OTOG: variants seen among roughly 807,000 people sequenced by gnomAD.
The protein encoded by OTOG is otogelin.
In OTOG, 296 loss-of-function variants were observed where a neutral mutation model predicts 313.8. That is an observed-to-expected ratio of 0.94 (90% CI 0.86 to 1.04). OTOG has a LOEUF of 1.04. Among genes scored for constraint, OTOG ranks in the 50% least tolerant of loss-of-function variants. OTOG has a pLI of 0.00. For missense variants in OTOG, 3,948 were observed against 3,840.1 expected, an observed-to-expected ratio of 1.03 and a Z score of -0.74; for synonymous variants, 1,533 against 1,554.9, an observed-to-expected ratio of 0.99 and a Z score of 0.33.
chr11:17,600,377 A>T (rs910964399), intron 31 of OTOG, among the ~76,000 whole-genome samples: 3 of 152,170 alleles, frequency 2.0e-5, no homozygotes, highest in African/African-American at 7.2e-5. Context: ...GTAGAGTGAG[A>T]TGCTCATCTG....
At chr11:17,572,967 G>T in intron 18 of OTOG, 111 bp from the exon 19 acceptor site, 1 of 1,039,940 alleles carries the variant, frequency 9.6e-7, no homozygotes, top group Non-Finnish European at 1.4e-6. Flanking sequence ...CATCCGTACA[G>T]CGTGTGCACA....
chr11:17,557,889 A>G (rs1425046533), intron 8 of OTOG, among the ~76,000 whole-genome samples: 1 of 152,124 alleles, frequency 6.6e-6, no homozygotes, highest in Non-Finnish European at 1.5e-5. Flanking sequence ...GAGACACAGG[A>G]GCTTGTTCAG....
chr11:17,593,876 C>T (rs192198327), intron 27 of OTOG, 120 bp downstream of exon 27: 238 of 1,411,274 alleles, frequency 1.7e-4, no homozygotes, highest in Admixed American at 1.1e-3. Flanking sequence ...TTCTCTCCTC[C>T]GCCCTGCTCT....
At chr11:17,594,803 G>A (rs1262677539) in intron 28 of OTOG, among the ~76,000 whole-genome samples, 3 of 151,966 alleles carry the variant, frequency 2.0e-5, no homozygotes, top group African/African-American at 7.3e-5. Context: ...GTGACCTTGA[G>A]TAAGTCCCAT....
chr11:17,593,927 C>A, intron 27 of OTOG, 120 bp from the exon 28 acceptor site: 1 of 1,431,134 alleles, frequency 7.0e-7, no homozygotes, highest in Non-Finnish European at 9.4e-7. Flanking sequence ...CCTCTTCAAA[C>A]TGTGACCTCA....
chr11:17,596,327 C>G (rs1460410611), intron 29 of OTOG, among the ~76,000 whole-genome samples, 173 bp downstream of exon 29: 2 of 152,248 alleles, frequency 1.3e-5, no homozygotes, highest in Admixed American at 1.3e-4. Context: ...CCTATTTCCC[C>G]AGATGACCAG....
At chr11:17,582,732 T>C (rs1565102982) in intron 23 of OTOG, among the ~76,000 whole-genome samples, 1 of 152,254 alleles carries the variant, frequency 6.6e-6, no homozygotes, top group Non-Finnish European at 1.5e-5. Context: ...ATTTTTCATA[T>C]ACTTATTGGC....
chr11:17,594,298 C>A, intron 28 of OTOG, 132 bp downstream of exon 28: 1 of 1,186,268 alleles, frequency 8.4e-7, no homozygotes, highest in Non-Finnish European at 1.2e-6. Flanking sequence ...CAGCCTCTGA[C>A]TGCATCCCTA....
chr11:17,549,316 G>A (rs943651146), intron 3 of OTOG, among the ~76,000 whole-genome samples: 1 of 152,190 alleles, frequency 6.6e-6, no homozygotes, highest in Non-Finnish European at 1.5e-5. Context: ...AGCAGATTGG[G>A]GAGAATCGTT....
Position 17,606,086 on chromosome 11 carries a change from G to A in OTOG, c.4107G>A (p.Leu1369=), listed in dbSNP as rs1029898779. The part of the protein sequence containing the change: ...YVSGAVLALR[L]YEHTEVFRRG... ...CGGGCGCGGTGCTGGCCCTGCGGCT[G>A]TACGAACACACAGAGGTGTTCCGCC... Residue 1369 remains leucine, a synonymous_variant, in exon 33 of 56, where the codon CTG becomes CTA. Transcript: ENST00000399397. 4.5e-6 allele frequency: 7 copies of A among 1,549,650 alleles called. No homozygotes were observed. Among genetic ancestry groups the A allele is most frequent in the African/African-American group, 2.7e-5 (2 of 73,030 alleles).
In OTOG at chr11:17,612,656, C is replaced by A; in HGVS notation, c.6329C>A (p.Thr2110Asn). 1 of 1,550,620 alleles carries A rather than the reference C, an allele frequency of 6.4e-7. No individual in the cohort carries two copies. The highest frequency in any genetic ancestry group is 8.7e-7 in the Non-Finnish European group (1 of 1,146,982). The change falls in exon 38 of 56, where the codon ACC becomes AAC. Residue 2110 changes from threonine to asparagine, a missense_variant. Transcript: ENST00000399397. ...CSIFPDLSFV[T>N]FDGSHVALFK... is the part of the protein sequence containing the mutation. ...ATCTTCCCTGACCTGAGCTTCGTGA[C>A]CTTCGATGGGAGCCACGTAGCTCTG...
intron 33 of OTOG, among the ~76,000 whole-genome samples, chr11:17,606,952 G>T (rs1291068420): frequency 1.3e-5 from 2 of 152,232 alleles, no homozygotes; most frequent in African/African-American, 4.8e-5. Flanking sequence ...CATGATGGGA[G>T]TATTTGTGTC....
chr11:17,636,303 C>T (rs192721001), intron 47 of OTOG, among the ~76,000 whole-genome samples: 4 of 152,110 alleles, frequency 2.6e-5, no homozygotes, highest in African/African-American at 7.2e-5. Context: ...TACATAGTAC[C>T]TCAATAGTAA....
Position 17,638,482 on chromosome 11 carries a change from G to A in OTOG, c.7827G>A (p.Gln2609=), listed in dbSNP as rs1351651117. The change falls in exon 48 of 56, where the codon CAG becomes CAA. Residue 2609 remains glutamine, a synonymous_variant. Coordinates refer to ENST00000399397, the MANE Select transcript of OTOG (RefSeq NM_001292063.2). ...AGAACTTCCGCTGTCCCCAAGTGCA[G>A]TGTGGCCTGGGCACTGCCCTGGTGG... is the stretch of plus-strand genomic sequence containing the variant. ...VCENFRCPQV[Q]CGLGTALVEV... The A allele has an allele frequency of 1.1e-5, 17 of 1,550,064 alleles. No individual in the cohort carries two copies. In the Admixed American group the frequency reaches 3.3e-4, roughly 30 times the overall value.
intron 19 of OTOG, among the ~76,000 whole-genome samples, chr11:17,574,462 C>A (rs770955347): frequency 5.9e-5 from 9 of 152,150 alleles, no homozygotes; most frequent in African/African-American, 1.9e-4. Flanking sequence ...GAGGAAAGGA[C>A]CTGCCAGTGG....
At position 17,561,142 on chromosome 11, in the gene OTOG, G is replaced by A. The variant is rs1320584809; in HGVS notation, c.1498+5G>A. 20 of 1,550,468 alleles carry A rather than the reference G, an allele frequency of 1.3e-5. No homozygotes were observed. The highest frequency in any genetic ancestry group is 1.7e-5 in the Non-Finnish European group (19 of 1,146,978). On this transcript the variant is annotated splice_donor_5th_base_variant and intron_variant, in intron 14 of 55. Coordinates refer to ENST00000399397, the MANE Select transcript of OTOG (RefSeq NM_001292063.2). ...GCAGCACAGCTGTCTGCCCAGGTAT[G>A]TCTGCCCCCCACCTTGCACTAGGAT... is the stretch of plus-strand genomic sequence containing the variant.
At position 17,641,803 on chromosome 11, in the gene OTOG, G is replaced by A. The variant is rs546330491; in HGVS notation, c.8191-44G>A. ...AACCAGGCAGTGGGAGAGCCAGGGT[G>A]GAGGTGGGCATCTGGCTGAGGCCCA... is the stretch of plus-strand genomic sequence containing the variant. On this transcript the variant is annotated intron_variant, in intron 51 of 55. Transcript: ENST00000399397. 7.9e-5 allele frequency: 109 copies of A among 1,376,296 alleles called. 1 individual carries two copies. In the East Asian group the frequency reaches 2.6e-3, roughly 32 times the overall value. 85.3% of individuals were successfully genotyped at this position (1,376,296 alleles called of 1,614,324 possible).
In OTOG at chr11:17,608,176, A is replaced by G. The variant is rs969888272; in HGVS notation, c.4157-120A>G. 6.2e-6 allele frequency: 4 copies of G among 649,016 alleles called. No homozygotes were observed. In the South Asian group the frequency reaches 7.1e-5, roughly 11 times the overall value. 40.2% of individuals were successfully genotyped at this position (649,016 alleles called of 1,614,324 possible). On this transcript the variant is annotated intron_variant, in intron 33 of 55. Coordinates refer to ENST00000399397, the MANE Select transcript of OTOG (RefSeq NM_001292063.2). ...TTCTCCTTAGTGTGGTTTTTTCCCCATTTGCTTTCCCTGCATGGGTCCATT... is the reference window on the plus strand; with the variant it reads ...TTCTCCTTAGTGTGGTTTTTTCCCCGTTTGCTTTCCCTGCATGGGTCCATT...
intron 23 of OTOG, among the ~76,000 whole-genome samples, chr11:17,580,530 C>G (rs1270390622): frequency 6.6e-6 from 1 of 152,240 alleles, no homozygotes; most frequent in Non-Finnish European, 1.5e-5. Flanking sequence ...TGAGTCCTTG[C>G]ATGCTCTTCC....
Sources: gnomAD v4.1 joint callset for allele counts (sites outside exome capture counted in the v4.1 genomes callset) on GRCh38, gnomAD v4.1.1 for gene constraint, MANE v1.5 for transcripts, NCBI Gene and HGNC (gene_info 2026-07-23, HGNC 2026-07-21) for gene names.